Variants in POC1B observed in about 807,000 individuals in gnomAD.
POC1B encodes the protein POC1 centriolar protein B.
Under a neutral mutation model 60.6 loss-of-function variants are expected in POC1B, and 44 were observed. That is an observed-to-expected ratio of 0.73 (90% CI 0.57 to 0.93). The LOEUF (loss-of-function observed/expected upper bound fraction) is 0.93. POC1B is among the 40% of genes least tolerant of loss of function. The pLI, the probability that POC1B is intolerant of heterozygous loss-of-function variation, is 0.00. For missense variants in POC1B, 555 were observed against 572.3 expected, an observed-to-expected ratio of 0.97 and a Z score of 0.31; for synonymous variants, 180 against 198.9, an observed-to-expected ratio of 0.90 and a Z score of 0.80.
At chr12:89,432,970 T>G (rs1242062150) in intron 10 of POC1B, among the ~76,000 whole-genome samples, 1 of 152,184 alleles carries the variant, frequency 6.6e-6, no homozygotes, top group Non-Finnish European at 1.5e-5. Flanking sequence ...GGTTGAAGAC[T>G]ACTGGCCCAG....
intron 2 of POC1B, chr12:89,524,232 G>A (rs1478747219): frequency 1.2e-5 from 19 of 1,613,922 alleles, no homozygotes; most frequent in Middle Eastern, 1.6e-4. Flanking sequence ...TCCTGTCACT[G>A]AGGTAAATAT....
the POC1B span, among the ~76,000 whole-genome samples, chr12:89,406,359 C>A: frequency 6.6e-6 from 1 of 152,056 alleles, no homozygotes; most frequent in Non-Finnish European, 1.5e-5. Context: ...CTCGATACAC[C>A]ATTTGAATAC....
intron 10 of POC1B, among the ~76,000 whole-genome samples, chr12:89,432,560 G>A (rs917322501): frequency 6.6e-6 from 1 of 152,062 alleles, no homozygotes; most frequent in Non-Finnish European, 1.5e-5. Flanking sequence ...TGCTATCATG[G>A]TTATACTCTA....
intron 4 of POC1B, among the ~76,000 whole-genome samples, chr12:89,482,051 T>TA (rs1314039796): frequency 3.3e-5 from 5 of 152,260 alleles, no homozygotes; most frequent in East Asian, 1.9e-4. Flanking sequence ...GACATACAAT[T>TA]AAAAAATCAC....
the POC1B span, among the ~76,000 whole-genome samples, chr12:89,409,369 C>T: frequency 6.6e-6 from 1 of 152,148 alleles, no homozygotes; most frequent in East Asian, 1.9e-4. Context: ...ACACCATTTA[C>T]TAAACAGGGA....
At chr12:89,478,119 ATTCAT>A (rs1267404599) in intron 4 of POC1B, among the ~76,000 whole-genome samples, 1 of 149,736 alleles carries the variant, frequency 6.7e-6, no homozygotes, top group Non-Finnish European at 1.5e-5. Flanking sequence ...TCATTCATTC[ATTCAT>A]TTATTGATAG....
chr12:89,463,726 G>C (rs553207389), intron 9 of POC1B, among the ~76,000 whole-genome samples: 3 of 152,200 alleles, frequency 2.0e-5, no homozygotes, highest in Non-Finnish European at 4.4e-5. Context: ...TTCACATAGA[G>C]AGAATTTGAT....
chr12:89,426,751 G>A (rs913687954), intron 10 of POC1B: 2 of 151,568 alleles, frequency 1.3e-5, no homozygotes, highest in African/African-American at 4.9e-5. Flanking sequence ...TTGAACCTGG[G>A]AGACAGACGT....
rs967632606 is a variant in POC1B, at chr12:89,446,458, T to C, written c.1113+13180A>G. On this transcript the variant is annotated intron_variant, in intron 10 of 11. Coordinates refer to ENST00000313546, the MANE Select transcript of POC1B (RefSeq NM_172240.3). ...TGAGTTCATGTCCTTTTTAGGGACGTGGATGAAGGTGGAAACCATCATTCT... is the reference window on the plus strand; with the variant it reads ...TGAGTTCATGTCCTTTTTAGGGACGCGGATGAAGGTGGAAACCATCATTCT... 6.6e-5 allele frequency among the ~76,000 whole-genome samples: 10 copies of C among 152,276 alleles called. No individual in the cohort carries two copies. The East Asian group carries it at 1.9e-3, about 29-fold the overall frequency.
downstream of POC1B, among the ~76,000 whole-genome samples, chr12:89,416,099 T>G (rs1880359593): frequency 6.6e-6 from 1 of 152,142 alleles, no homozygotes; most frequent in South Asian, 2.1e-4. Flanking sequence ...ATTGTTGAGC[T>G]CCTCCTATGA....
At chr12:89,495,180 AG>A (rs1869183043) in intron 3 of POC1B, among the ~76,000 whole-genome samples, 1 of 152,242 alleles carries the variant, frequency 6.6e-6, no homozygotes, top group Admixed American at 6.5e-5. Context: ...TTAATGACTC[AG>A]TGAGCTTTTA....
chr12:89,412,111 T>C, the POC1B span, among the ~76,000 whole-genome samples: 5 of 152,226 alleles, frequency 3.3e-5, no homozygotes, highest in Admixed American at 3.3e-4. Context: ...AAGGTAGTGA[T>C]AGTGTTTCAT....
intron 10 of POC1B, among the ~76,000 whole-genome samples, chr12:89,431,416 C>T (rs1184344589): frequency 6.6e-6 from 1 of 150,972 alleles, no homozygotes; most frequent in Non-Finnish European, 1.5e-5. Context: ...TCCTGATGTT[C>T]TGAGATTTTT....
At chr12:89,462,934 C>G (rs1882532550) in intron 9 of POC1B, among the ~76,000 whole-genome samples, 1 of 151,766 alleles carries the variant, frequency 6.6e-6, no homozygotes, top group Non-Finnish European at 1.5e-5. Context: ...AAACATATAC[C>G]CCAGTTAGAA....
At chr12:89,460,638 C>T (rs889353263) in intron 9 of POC1B, 1 of 152,068 alleles carries the variant, frequency 6.6e-6, no homozygotes, top group African/African-American at 2.4e-5. Flanking sequence ...TGCAATACAG[C>T]AGTGAAAACA....
At position 89,526,042 on chromosome 12, in the gene POC1B, C is replaced by T; in HGVS notation, c.-147G>A. On this transcript the variant is annotated 5_prime_UTR_variant, in exon 1 of 12. Transcript: ENST00000313546. ...TCCCGGTCACTACAACAACGGCGGC[C>T]CAGTCAAACCCCGCGCTCCAGGCAT... 6.5e-7 allele frequency: 1 copy of T among 1,533,942 alleles called. No homozygotes were observed. The highest frequency in any genetic ancestry group is 8.7e-7 in the Non-Finnish European group (1 of 1,145,278).
rs979610344 is a variant in POC1B, at chr12:89,466,797, G to T, written c.1005C>A (p.Pro335=). The change falls in exon 9 of 12, where the codon CCC becomes CCA. Residue 335 remains proline (P), a synonymous_variant. Transcript: ENST00000313546. ...LLDIYPRTPH[P]HEEKVETVEI... is the part of the protein sequence containing the mutation. ...CTACAGTCTCAACTTTTTCCTCATGGGGATGTGGTGTTCTTGGGTAGATAT... is the reference window on the plus strand; with the variant it reads ...CTACAGTCTCAACTTTTTCCTCATGTGGATGTGGTGTTCTTGGGTAGATAT... The T allele has an allele frequency of 6.2e-7, 1 of 1,612,452 alleles. No individual in the cohort carries two copies. Among genetic ancestry groups the T allele is most frequent in the Non-Finnish European group, 8.5e-7 (1 of 1,179,092 alleles).
intron 2 of POC1B, among the ~76,000 whole-genome samples, chr12:89,504,538 C>T (rs1869800069): frequency 6.6e-6 from 1 of 151,770 alleles, no homozygotes; most frequent in South Asian, 2.1e-4. Flanking sequence ...CTGACCTTCC[C>T]TCCACTATTG....
intron 10 of POC1B, among the ~76,000 whole-genome samples, chr12:89,437,489 T>C (rs1881317102): frequency 6.6e-6 from 1 of 152,182 alleles, no homozygotes; most frequent in Admixed American, 6.5e-5. Context: ...TCGTTCCTCT[T>C]ATTATCAGGC....
Sources: allele counts gnomAD v4.1 joint callset (sites outside exome capture counted in the v4.1 genomes callset), GRCh38; gene constraint gnomAD v4.1.1; transcripts MANE v1.5; gene names NCBI Gene and HGNC (gene_info 2026-07-23, HGNC 2026-07-21).